SCML2: variants seen among roughly 807,000 people sequenced by gnomAD.
SCML2 encodes the protein Scm polycomb group protein like 2, also known as sex comb on midleg-like protein 2.
Under a neutral mutation model 48.4 loss-of-function variants are expected in SCML2, and 6 were observed. That is an observed-to-expected ratio of 0.12 (90% CI 0.07 to 0.24). The LOEUF (loss-of-function observed/expected upper bound fraction) is 0.24. Ranked by LOEUF, SCML2 falls within the 10% of genes least tolerant of loss-of-function variation. The pLI, the probability that SCML2 is intolerant of heterozygous loss-of-function variation, is 1.00. For synonymous variants in SCML2, 181 were observed against 189.5 expected (o/e 0.95, Z 0.37); for missense variants, 377 against 528.2 (o/e 0.71, Z 2.81).
chrX:18,271,586 G>A lies in SCML2; in HGVS notation c.731-5784C>T, dbSNP rs150164725. Among the ~76,000 whole-genome samples, 590 of 109,980 alleles carry A rather than the reference G, an allele frequency of 5.4e-3. 3 individuals are homozygous for A. The highest frequency in any genetic ancestry group is 0.018 in the African/African-American group (539 of 30,224). On this transcript the variant is annotated intron_variant, in intron 7 of 14. Coordinates refer to ENST00000251900, the MANE Select transcript of SCML2 (RefSeq NM_006089.3). Reference sequence around the variant, plus strand: ...AATCAGATGTGAAAGCATGTTTATAGGGAAAAATATTAACAAGCAGAGTAT... The same window carrying A: ...AATCAGATGTGAAAGCATGTTTATAAGGAAAAATATTAACAAGCAGAGTAT...
rs190642963 is a variant in SCML2 at position 18,299,240 on chromosome X, A to G, written c.730+5732T>C. On this transcript the variant is annotated intron_variant, in intron 7 of 14. Coordinates refer to ENST00000251900, the MANE Select transcript of SCML2 (RefSeq NM_006089.3). Reference sequence around the variant, plus strand: ...TAAAAAGTGGACAAAGGGGCTGGGCAAGGTGGCTCACGCCTGTATTCCCAG... The same window carrying G: ...TAAAAAGTGGACAAAGGGGCTGGGCGAGGTGGCTCACGCCTGTATTCCCAG... 5.5e-3 allele frequency among the ~76,000 whole-genome samples: 619 copies of G among 111,732 alleles called. 13 individuals are homozygous for G. Among genetic ancestry groups the G allele is most frequent in the Admixed American group, 0.049 (519 of 10,589 alleles).
At chrX:18,347,261 A>T (rs1372910925) in intron 1 of SCML2, among the ~76,000 whole-genome samples, 1 of 109,591 alleles carries the variant, frequency 9.1e-6, no homozygotes, top group Non-Finnish European at 1.9e-5. Flanking sequence ...ACTGGCCAAC[A>T]TGGTAAAACC....
At position 18,240,615 on chromosome X, in the gene SCML2, G is replaced by A. The variant is rs189839852; in HGVS notation, c.*636C>T. 29 of 112,071 alleles carry A rather than the reference G, an allele frequency of 2.6e-4. No homozygotes were observed. The highest frequency in any genetic ancestry group is 9.4e-4 in the African/African-American group (29 of 30,945). The allele number at this position is 112,071 out of a possible 1,213,427, so 9.2% of individuals were successfully genotyped here. ...AAACTGGTAAGAACACTTCATGAAA[G>A]CTTATAAGCTTGCTTTTTTCCTTTA... On this transcript the variant is annotated 3_prime_UTR_variant, in exon 15 of 15. Transcript: ENST00000251900.
chrX:18,265,021 G>A (rs2055338328), intron 8 of SCML2, among the ~76,000 whole-genome samples: 1 of 111,515 alleles, frequency 9.0e-6, no homozygotes, highest in Non-Finnish European at 1.9e-5. Context: ...GTTTCACATG[G>A]TACACAAAGT....
chrX:18,316,880 C>T (rs1355261050), intron 6 of SCML2, among the ~76,000 whole-genome samples: 1 of 112,393 alleles, frequency 8.9e-6, no homozygotes, highest in Non-Finnish European at 1.9e-5. Context: ...ATTGCACACT[C>T]CTTAGGAGAA....
chrX:18,334,325 A>C (rs771909986), intron 1 of SCML2, among the ~76,000 whole-genome samples: 8 of 112,343 alleles, frequency 7.1e-5, no homozygotes, highest in Non-Finnish European at 1.5e-4. Context: ...AAAGTGTCCT[A>C]GAATTAGATA....
chrX:18,277,527 A>G (rs1927688220), intron 7 of SCML2, among the ~76,000 whole-genome samples: 1 of 112,068 alleles, frequency 8.9e-6, no homozygotes, highest in South Asian at 3.7e-4. Flanking sequence ...AGTATCACAC[A>G]TTAGTCTAGA....
intron 1 of SCML2, among the ~76,000 whole-genome samples, chrX:18,335,053 A>C (rs1304341124): frequency 9.0e-6 from 1 of 111,428 alleles, no homozygotes; most frequent in Non-Finnish European, 1.9e-5. Flanking sequence ...CTGATCAATT[A>C]AAGACTATAG....
rs1048722145 is a variant in SCML2, at chrX:18,287,175, C to T, written c.730+17797G>A. On this transcript the variant is annotated intron_variant, in intron 7 of 14. Coordinates refer to ENST00000251900, the MANE Select transcript of SCML2 (RefSeq NM_006089.3). ...TAACACATATAATAAAAAGCAATTC[C>T]GACACAAAAAGAAAGAAATCACTCA... Among the ~76,000 whole-genome samples, 3 of 111,606 alleles carry T rather than the reference C, an allele frequency of 2.7e-5. No individual in the cohort carries two copies. The Admixed American group carries it at 2.9e-4, about 11-fold the overall frequency.
rs755807776 is a variant in SCML2, at chrX:18,297,636, C to A, written c.730+7336G>T. On this transcript the variant is annotated intron_variant, in intron 7 of 14. Coordinates refer to ENST00000251900, the MANE Select transcript of SCML2 (RefSeq NM_006089.3). ...CACAAAAATCAGTAGTGTTTCTATA[C>A]ACCAATAATGAAATAGCTGTAAAAG... is the stretch of plus-strand genomic sequence containing the variant. Among the ~76,000 whole-genome samples the A allele has an allele frequency of 3.6e-5, 4 of 111,518 alleles. No individual in the cohort carries two copies. The East Asian group carries it at 1.1e-3, about 31-fold the overall frequency.
Position 18,258,170 on chromosome X carries a change from A to T in SCML2, c.1147T>A (p.Phe383Ile). The T allele has an allele frequency of 8.3e-7, 1 of 1,211,554 alleles. No homozygotes were observed. Among genetic ancestry groups the T allele is most frequent in the Non-Finnish European group, 1.1e-6 (1 of 895,117 alleles). ...ACCACATTCACCGGGCCCGGGCCGAAGTGGTCAGGCAGCTGCTGGATTCTC... is the reference window on the plus strand; with the variant it reads ...ACCACATTCACCGGGCCCGGGCCGATGTGGTCAGGCAGCTGCTGGATTCTC... The part of the protein sequence containing the change: ...PKRIQQLPDH[F>I]GPGPVNVVLR... The change falls in exon 10 of 15, where the codon TTC becomes ATC. Residue 383 changes from phenylalanine to isoleucine, a missense_variant. Coordinates refer to ENST00000251900, the MANE Select transcript of SCML2 (RefSeq NM_006089.3).
chrX:18,255,251 A>C (rs1007436808), intron 11 of SCML2, among the ~76,000 whole-genome samples: 1 of 112,461 alleles, frequency 8.9e-6, no homozygotes, highest in Non-Finnish European at 1.9e-5. Flanking sequence ...CTTTCTTTCA[A>C]TTTCACAACC....
intron 6 of SCML2, among the ~76,000 whole-genome samples, chrX:18,315,616 C>T (rs965049048): frequency 9.0e-6 from 1 of 111,163 alleles, no homozygotes; most frequent in Admixed American, 9.6e-5. Flanking sequence ...GTACACACGC[C>T]TATGATAAAA....
At chrX:18,273,295 C>G (rs1175864851) in intron 7 of SCML2, among the ~76,000 whole-genome samples, 1 of 111,182 alleles carries the variant, frequency 9.0e-6, no homozygotes, top group Admixed American at 9.6e-5. Flanking sequence ...CTCTTGCCTG[C>G]TCAAGTGCAT....
At chrX:18,350,799 T>TA (rs1353800239) in intron 1 of SCML2, among the ~76,000 whole-genome samples, 2 of 111,092 alleles carry the variant, frequency 1.8e-5, no homozygotes, top group Non-Finnish European at 3.8e-5. Flanking sequence ...CTAAGGTACT[T>TA]AGAGTCTAAA....
intron 6 of SCML2, among the ~76,000 whole-genome samples, chrX:18,317,599 G>A (rs774409494): frequency 2.7e-5 from 3 of 111,241 alleles, no homozygotes; most frequent in African/African-American, 9.8e-5. Flanking sequence ...TTGGGAGGCC[G>A]AGGCGGGCGG....
chrX:18,241,091 AAAAC>A lies in SCML2; in HGVS notation c.*156_*159del, dbSNP rs757476375. ...AAAGCTGGTTGGTGACTCCAGGAAA[AAAAC>A]AAAGTTGACTGAACTGTTACTACAG... On this transcript the variant is annotated 3_prime_UTR_variant, in exon 15 of 15. Coordinates refer to ENST00000251900, the MANE Select transcript of SCML2 (RefSeq NM_006089.3). The A allele has an allele frequency of 9.8e-6, 4 of 409,945 alleles. No individual in the cohort carries two copies. The African/African-American group carries it at 1.0e-4, about 11-fold the overall frequency. 33.8% of individuals were successfully genotyped at this position (409,945 alleles called of 1,213,427 possible).
At chrX:18,346,284 G>T (rs1035841096) in intron 1 of SCML2, among the ~76,000 whole-genome samples, 7 of 109,785 alleles carry the variant, frequency 6.4e-5, no homozygotes, top group African/African-American at 1.3e-4. Context: ...GATGTTCATG[G>T]TCTCAAAAAG....
chrX:18,286,131 CTT>C (rs1311450587), intron 7 of SCML2, among the ~76,000 whole-genome samples: 1 of 111,217 alleles, frequency 9.0e-6, no homozygotes, highest in Non-Finnish European at 1.9e-5. Context: ...AGATTTTCCT[CTT>C]ATCACTTATT....
Sources: allele counts gnomAD v4.1 joint callset (sites outside exome capture counted in the v4.1 genomes callset), GRCh38; gene constraint gnomAD v4.1.1; transcripts MANE v1.5; gene names NCBI Gene and HGNC (gene_info 2026-07-23, HGNC 2026-07-21).